Variants in BCR observed in about 807,000 individuals in gnomAD.
The protein encoded by BCR is BCR activator of RhoGEF and GTPase, also known as breakpoint cluster region protein.
A neutral mutation model predicts 138.6 loss-of-function variants in BCR; 58 were observed. The observed-to-expected ratio is 0.42, with a 90% CI of 0.34 to 0.52. The LOEUF is 0.52. Among genes scored for constraint, BCR ranks in the 20% least tolerant of loss-of-function variants. BCR has a pLI of 0.06. For synonymous variants in BCR, 786 were observed against 730.1 expected (o/e 1.08, Z -1.23); for missense variants, 1,599 against 1,727.2 (o/e 0.93, Z 1.32).
intron 2 of BCR, among the ~76,000 whole-genome samples, chr22:23,260,636 G>A (rs572235583): frequency 6.6e-6 from 1 of 152,328 alleles, no homozygotes; most frequent in South Asian, 2.1e-4. Context: ...AGCTGCCCTT[G>A]GGTTGCATGC....
At chr22:23,231,050 A>G (rs1394838571) in intron 1 of BCR, among the ~76,000 whole-genome samples, 1 of 152,146 alleles carries the variant, frequency 6.6e-6, no homozygotes, top group Non-Finnish European at 1.5e-5. Context: ...AATGAGAGTT[A>G]TTGTAGAAAC....
chr22:23,212,453 A>G (rs188949167), intron 1 of BCR, among the ~76,000 whole-genome samples: 1 of 152,214 alleles, frequency 6.6e-6, no homozygotes, highest in Non-Finnish European at 1.5e-5. Flanking sequence ...CTTAACAGGG[A>G]GTACACTGGC....
intron 1 of BCR, among the ~76,000 whole-genome samples, chr22:23,233,222 G>A (rs558185023): frequency 2.3e-4 from 35 of 152,290 alleles, no homozygotes; most frequent in Non-Finnish European, 4.3e-4. Flanking sequence ...CTGGATGCTC[G>A]GTTCTTGGAG....
chr22:23,294,563 A>G (rs2073824847), intron 15 of BCR, among the ~76,000 whole-genome samples: 2 of 152,106 alleles, frequency 1.3e-5, no homozygotes, highest in Non-Finnish European at 2.9e-5. Flanking sequence ...ACCACGCCAT[A>G]CTATTTTTCG....
At chr22:23,315,079 C>T (rs2330379) in intron 22 of BCR, among the ~76,000 whole-genome samples, 388 of 152,100 alleles carry the variant, frequency 2.6e-3, no homozygotes, top group Middle Eastern at 6.8e-3. Context: ...GAAAAATTAG[C>T]CAGGCATTGT....
rs765200238 is a variant in BCR, at chr22:23,310,387, C to T, written c.3136C>T (p.Arg1046Ter). ...GTTCAGCTTGAAGAGGATGCCGTCC[C>T]GAAAACAGACAGGGGTCTTCGGAGT... ...REFSLKRMPS[R>*]KQTGVFGVKI... Residue 1046 changes from arginine to a stop codon, truncating the protein, a stop_gained, in exon 18 of 23, where the codon CGA becomes TGA. Transcript: ENST00000305877. LOFTEE classifies it high-confidence loss of function. 7.0e-7 allele frequency: 1 copy of T among 1,426,406 alleles called. No homozygotes were observed. 88.4% of individuals were successfully genotyped at this position (1,426,406 alleles called of 1,614,324 possible).
chr22:23,256,345 C>G (rs999053641), intron 2 of BCR, among the ~76,000 whole-genome samples: 3 of 152,116 alleles, frequency 2.0e-5, no homozygotes, highest in Non-Finnish European at 4.4e-5. Flanking sequence ...AATACCCACT[C>G]GTAGTGCAGA....
chr22:23,296,113 G>A (rs576498821), intron 16 of BCR, among the ~76,000 whole-genome samples: 12 of 151,836 alleles, frequency 7.9e-5, no homozygotes, highest in South Asian at 2.1e-4. Context: ...TGGTGCTCAC[G>A]CCTGTAATCC....
chr22:23,262,867 G>T (rs992915397), intron 4 of BCR: 1 of 1,054,450 alleles, frequency 9.5e-7, no homozygotes. Context: ...GCCGCAGACG[G>T]CGAAGGAGGC....
chr22:23,181,063 C>A lies in BCR; in HGVS notation c.103C>A (p.Leu35Met). ...CTCAGTGGGCGACATCGAGCAGGAG[C>A]TGGAGCGCTGCAAGGCCTCCATTCG... The part of the protein sequence containing the change: ...LRSVGDIEQE[L>M]ERCKASIRRL... Residue 35 changes from leucine to methionine, a missense_variant, in exon 1 of 23, where the codon CTG (leucine) becomes ATG (methionine). Around this residue, in one of 4 missense-constraint regions of BCR, gnomAD observed 806 missense variants for 635.0 expected, o/e 1.27. Transcript: ENST00000305877. 1.3e-6 allele frequency: 2 copies of A among 1,522,928 alleles called. No individual in the cohort carries two copies. The highest frequency in any genetic ancestry group is 8.8e-7 in the Non-Finnish European group (1 of 1,130,278). 94.3% of individuals were successfully genotyped at this position (1,522,928 alleles called of 1,614,324 possible).
intron 1 of BCR, among the ~76,000 whole-genome samples, chr22:23,215,970 G>A (rs1381301049): frequency 1.3e-5 from 2 of 152,116 alleles, no homozygotes; most frequent in African/African-American, 2.4e-5. Flanking sequence ...CTTTAATTTT[G>A]CCATGTTTAG....
intron 1 of BCR, 123 bp downstream of exon 1, chr22:23,182,362 C>G: frequency 8.4e-7 from 1 of 1,184,008 alleles, no homozygotes; most frequent in Non-Finnish European, 1.1e-6. Flanking sequence ...ATCAGGTGCA[C>G]TTGTGGTTCA....
intron 2 of BCR, 24 bp from the exon 3 acceptor site, chr22:23,260,926 G>T: frequency 6.2e-7 from 1 of 1,608,200 alleles, no homozygotes; most frequent in South Asian, 1.1e-5. Flanking sequence ...CTTCCAGGCT[G>T]ACTTCTGTCT....
chr22:23,262,694 C>T (rs1160198473), intron 4 of BCR: 2 of 176,644 alleles, frequency 1.1e-5, no homozygotes, highest in South Asian at 1.8e-4. Flanking sequence ...CCGGGAATGG[C>T]GGGCCCGGGT....
Position 23,181,044 on chromosome 22 carries a change from G to A in BCR, c.84G>A (p.Val28=). 6.6e-7 allele frequency: 1 copy of A among 1,523,362 alleles called. No homozygotes were observed. Among genetic ancestry groups the A allele is most frequent in the Non-Finnish European group, 8.8e-7 (1 of 1,130,434 alleles). The allele number at this position is 1,523,362 out of a possible 1,614,324, so 94.4% of individuals were successfully genotyped here. ...SEPPRMELRS[V]GDIEQELERC... The stretch of plus-strand genomic sequence containing the variant: ...CCCCGCGCATGGAGCTGCGCTCAGT[G>A]GGCGACATCGAGCAGGAGCTGGAGC... Residue 28 remains valine (V), a synonymous_variant, in exon 1 of 23, where the codon GTG becomes GTA. Transcript: ENST00000305877.
intron 15 of BCR, among the ~76,000 whole-genome samples, chr22:23,294,044 A>G (rs2073818930): frequency 6.6e-6 from 1 of 152,152 alleles, no homozygotes; most frequent in Non-Finnish European, 1.5e-5. Context: ...TATCAACCCC[A>G]AGGATCACTC....
chr22:23,296,450 G>A (rs191837185), intron 16 of BCR, among the ~76,000 whole-genome samples: 30 of 150,368 alleles, frequency 2.0e-4, no homozygotes, highest in Non-Finnish European at 8.8e-5. Flanking sequence ...TGAGTCACCT[G>A]TCATCTTTGC....
intron 1 of BCR, among the ~76,000 whole-genome samples, chr22:23,222,813 C>A (rs940685503): frequency 6.6e-6 from 1 of 152,178 alleles, no homozygotes; most frequent in Non-Finnish European, 1.5e-5. Context: ...CAGCATCTCT[C>A]CTGCTTCTGA....
At chr22:23,290,231 G>A in intron 13 of BCR, 108 bp from the exon 14 acceptor site, 2 of 1,108,842 alleles carry the variant, frequency 1.8e-6, no homozygotes, top group Non-Finnish European at 1.4e-6. Flanking sequence ...CAGGCAGATG[G>A]CAGCCACACA....
Sources: gnomAD v4.1 joint callset for allele counts (sites outside exome capture counted in the v4.1 genomes callset) on GRCh38, gnomAD v4.1.1 for gene constraint, gnomAD v4.1.1 regional missense constraint, MANE v1.5 for transcripts, NCBI Gene and HGNC (gene_info 2026-07-23, HGNC 2026-07-21) for gene names.